Variants in TRHDE observed in about 807,000 individuals in gnomAD.
TRHDE encodes thyrotropin releasing hormone degrading enzyme.
In TRHDE, 72 loss-of-function variants were observed where a neutral mutation model predicts 125.7. The ratio of observed to expected loss-of-function variants is 0.57; its 90% CI spans 0.47 to 0.70. The LOEUF (loss-of-function observed/expected upper bound fraction) is 0.70. Among genes scored for constraint, TRHDE ranks in the 30% least tolerant of loss-of-function variants. The pLI, the probability that TRHDE is intolerant of heterozygous loss-of-function variation, is 0.00. For synonymous variants in TRHDE, 509 were observed against 509.1 expected (o/e 1.00, Z 0.00); for missense variants, 1,110 against 1,327.1 (o/e 0.84, Z 2.54).
At chr12:72,524,372 A>G (rs1197295753) in intron 6 of TRHDE, among the ~76,000 whole-genome samples, 1 of 152,176 alleles carries the variant, frequency 6.6e-6, no homozygotes, top group African/African-American at 2.4e-5. Context: ...TTCAACAGTG[A>G]AGATTACAAA....
Position 72,411,152 on chromosome 12 carries a change from G to A in TRHDE, c.1315+33031G>A, listed in dbSNP as rs376423407. ...CAGGAGGCGGAGCTTGCAGTGAGCC[G>A]AGATTGCGCCACTGCACTCCAGCCT... On this transcript the variant is annotated intron_variant, in intron 3 of 18. Coordinates refer to ENST00000261180, the MANE Select transcript of TRHDE (RefSeq NM_013381.3). Among the ~76,000 whole-genome samples, 25 of 148,484 alleles carry A rather than the reference G, an allele frequency of 1.7e-4. No individual in the cohort carries two copies. In the South Asian group the frequency reaches 5.1e-3, roughly 30 times the overall value.
At position 72,109,727 on chromosome 12, in the gene TRHDE, T is replaced by C. The variant is rs78622883; in HGVS notation, n.279+3975T>C. 5.7e-4 allele frequency among the ~76,000 whole-genome samples: 87 copies of C among 152,258 alleles called. 1 individual carries two copies. Among genetic ancestry groups the C allele is most frequent in the Non-Finnish European group, 1.2e-3 (79 of 67,982 alleles). On this transcript the variant is annotated intron_variant and non_coding_transcript_variant, in intron 2 of 4. Transcript: ENST00000548156. ...AAAATCACTAGGAGACTTCTCCTTA[T>C]ATTTGTGGAAACTGCGTTATATGTC...
chr12:72,604,229 C>G (rs185998199), intron 12 of TRHDE, among the ~76,000 whole-genome samples: 1 of 152,156 alleles, frequency 6.6e-6, no homozygotes, highest in East Asian at 1.9e-4. Flanking sequence ...AAACTACAGA[C>G]AAATCCGTAG....
intron 2 of TRHDE, among the ~76,000 whole-genome samples, chr12:72,227,100 GAAAT>G (rs974717885): frequency 1.3e-5 from 2 of 152,066 alleles, no homozygotes; most frequent in African/African-American, 4.8e-5. Flanking sequence ...AAATATTTTA[GAAAT>G]AAATAAACTC....
intron 7 of TRHDE, among the ~76,000 whole-genome samples, chr12:72,544,051 A>G (rs917061175): frequency 6.6e-6 from 1 of 151,302 alleles, no homozygotes; most frequent in African/African-American, 2.4e-5. Context: ...GAGGTACTCT[A>G]TGTTTGTCAA....
At chr12:72,197,196 T>C (rs1484883897) in intron 2 of TRHDE, among the ~76,000 whole-genome samples, 1 of 152,114 alleles carries the variant, frequency 6.6e-6, no homozygotes, top group East Asian at 1.9e-4. Context: ...CTTCTCAGAT[T>C]TTCTTATACA....
chr12:72,475,597 A>G (rs1592473187), intron 5 of TRHDE, among the ~76,000 whole-genome samples: 1 of 152,272 alleles, frequency 6.6e-6, no homozygotes, highest in South Asian at 2.1e-4. Flanking sequence ...CATTGTAAAT[A>G]TAGGAATTCT....
intron 2 of TRHDE, among the ~76,000 whole-genome samples, chr12:72,215,981 G>GT (rs1877882184): frequency 6.6e-6 from 1 of 152,174 alleles, no homozygotes; most frequent in African/African-American, 2.4e-5. Context: ...ACAAGACAAA[G>GT]CTGGGTTTAC....
Position 72,575,537 on chromosome 12 carries a change from A to T in TRHDE, c.2316A>T (p.Leu772=). ...GCTTGATCGATGATGCCTTCAGCCT[A>T]GCCAGGTATGTTTTCCTGTGGATCT... ...RAGLIDDAFS[L]ARAGYLPQNI... The change falls in exon 12 of 19, where the codon CTA becomes CTT. Residue 772 remains leucine (L), a synonymous_variant. Transcript: ENST00000261180. 1 of 1,613,646 alleles carries T rather than the reference A, an allele frequency of 6.2e-7. No homozygotes were observed. Among genetic ancestry groups the T allele is most frequent in the African/African-American group, 1.3e-5 (1 of 75,008 alleles).
intron 2 of TRHDE, among the ~76,000 whole-genome samples, chr12:72,233,977 T>G (rs563223771): frequency 6.6e-6 from 1 of 152,322 alleles, no homozygotes; most frequent in East Asian, 1.9e-4. Context: ...CTGTGTTGTA[T>G]TACTAATGGT....
rs560898133 is a variant in TRHDE, at chr12:72,298,619, G to A, written c.1188+11665G>A. On this transcript the variant is annotated intron_variant, in intron 2 of 18. Transcript: ENST00000261180. Reference sequence around the variant, plus strand: ...AAAGGAGTGAAAGATGAGGTTGGAGGTTTATGTAGCAGCCAGATCATGAAG... The same window carrying A: ...AAAGGAGTGAAAGATGAGGTTGGAGATTTATGTAGCAGCCAGATCATGAAG... Among the ~76,000 whole-genome samples the A allele has an allele frequency of 3.9e-5, 6 of 152,236 alleles. No homozygotes were observed. In the South Asian group the frequency reaches 1.0e-3, roughly 26 times the overall value.
chr12:72,636,268 G>T (rs61933812), intron 15 of TRHDE, among the ~76,000 whole-genome samples: 1 of 150,172 alleles, frequency 6.7e-6, no homozygotes, highest in East Asian at 1.9e-4. Context: ...TGAAGCAATT[G>T]TGAATGGGAG....
chr12:72,498,191 C>T lies in TRHDE; in HGVS notation c.1585-1307C>T, dbSNP rs146389020. The stretch of plus-strand genomic sequence containing the variant: ...GAAAACAAACCCTACAGTATCTAGT[C>T]GGATACCTAATTAAATAATCAATTA... On this transcript the variant is annotated intron_variant, in intron 5 of 18. Coordinates refer to ENST00000261180, the MANE Select transcript of TRHDE (RefSeq NM_013381.3). 1.4e-4 allele frequency among the ~76,000 whole-genome samples: 21 copies of T among 152,058 alleles called. No homozygotes were observed. In the East Asian group the frequency reaches 3.9e-3, roughly 28 times the overall value.
intron 3 of TRHDE, among the ~76,000 whole-genome samples, chr12:72,431,208 G>A (rs978854006): frequency 1.7e-4 from 26 of 152,032 alleles, no homozygotes; most frequent in Non-Finnish European, 4.4e-5. Context: ...TACAGAAATA[G>A]CACTCAAGAA....
chr12:72,438,181 G>A, intron 3 of TRHDE, among the ~76,000 whole-genome samples: 1 of 151,750 alleles, frequency 6.6e-6, no homozygotes, highest in East Asian at 1.9e-4. Flanking sequence ...TTCATCTGTT[G>A]ATGGACACTT....
upstream of TRHDE, among the ~76,000 whole-genome samples, chr12:72,268,451 AC>A (rs1399242068): frequency 2.0e-5 from 3 of 152,118 alleles, no homozygotes; most frequent in Non-Finnish European, 4.4e-5. Context: ...GCTGAAAGAT[AC>A]CCCCAAATCT....
intron 3 of TRHDE, among the ~76,000 whole-genome samples, chr12:72,387,076 G>A (rs543965918): frequency 7.0e-4 from 107 of 152,204 alleles, no homozygotes; most frequent in African/African-American, 2.4e-3. Flanking sequence ...TGATACTTAT[G>A]ATTCCTAAAT....
chr12:72,638,287 T>C (rs1370131802), intron 15 of TRHDE, among the ~76,000 whole-genome samples: 5 of 151,458 alleles, frequency 3.3e-5, no homozygotes, highest in African/African-American at 9.7e-5. Flanking sequence ...TTGATCTTTG[T>C]TGGTTGAAAG....
At chr12:72,397,711 C>T (rs11179185) in intron 3 of TRHDE, among the ~76,000 whole-genome samples, 3,413 of 152,134 alleles carry the variant, frequency 0.022, 122 homozygotes, top group African/African-American at 0.078. Context: ...TGTTCAAGTG[C>T]TACTTTCTGA....
Sources: allele counts gnomAD v4.1 joint callset (sites outside exome capture counted in the v4.1 genomes callset), GRCh38; gene constraint gnomAD v4.1.1; transcripts MANE v1.5; gene names NCBI Gene and HGNC (gene_info 2026-07-23, HGNC 2026-07-21).